The following TFEB variants were observed in gnomAD, a reference collection of about 807,000 sequenced individuals.
TFEB encodes transcription factor EB.
A neutral mutation model predicts 48.0 loss-of-function variants in TFEB; 12 were observed. That is an observed-to-expected ratio of 0.25 (90% CI 0.16 to 0.40). The LOEUF (loss-of-function observed/expected upper bound fraction) is 0.40. Among genes scored for constraint, TFEB ranks in the 10% least tolerant of loss-of-function variants. The pLI, the probability that TFEB is intolerant of heterozygous loss-of-function variation, is 1.00. For synonymous variants in TFEB, 244 were observed against 261.4 expected, an observed-to-expected ratio of 0.93 and a Z score of 0.64; for missense variants, 509 against 640.3, an observed-to-expected ratio of 0.79 and a Z score of 2.21.
At chr6:41,727,066 G>C (rs989967375) in intron 1 of TFEB, among the ~76,000 whole-genome samples, 1 of 152,042 alleles carries the variant, frequency 6.6e-6, no homozygotes, top group Non-Finnish European at 1.5e-5. Context: ...CCGCCACCCC[G>C]CCCAGGATGT....
intron 1 of TFEB, among the ~76,000 whole-genome samples, chr6:41,697,493 C>T (rs1192516471): frequency 8.1e-6 from 1 of 123,218 alleles, no homozygotes; most frequent in Non-Finnish European, 1.6e-5. Context: ...CAACACCACC[C>T]CTTCTCCAAA....
In TFEB at chr6:41,720,811, C is replaced by T. The variant is rs1770946524; in HGVS notation, c.-23+14539G>A. 1 of 152,110 alleles carries T rather than the reference C, an allele frequency of 6.6e-6. No homozygotes were observed. Among genetic ancestry groups the T allele is most frequent in the Non-Finnish European group, 1.5e-5 (1 of 68,008 alleles). The allele number at this position is 152,110 out of a possible 1,614,324, so 9.4% of individuals were successfully genotyped here. On this transcript the variant is annotated intron_variant, in intron 1 of 8. Transcript: ENST00000373033. The surrounding 1 kb of genome is among the most constrained non-coding windows in gnomAD (Gnocchi z 4.1). ...CCAGGGAGACTGGCACAGCCCTCAC[C>T]CATATATAATTATTCCATCATATAT...
chr6:41,697,681 G>T (rs1769680725), intron 1 of TFEB, among the ~76,000 whole-genome samples: 1 of 152,124 alleles, frequency 6.6e-6, no homozygotes, highest in South Asian at 2.1e-4. Context: ...ATGCAGAAAA[G>T]GATGTTGTGC....
intron 1 of TFEB, among the ~76,000 whole-genome samples, chr6:41,716,505 G>A (rs1219287408): frequency 6.6e-6 from 1 of 152,190 alleles, no homozygotes; most frequent in Non-Finnish European, 1.5e-5. Context: ...AGCTAGAGCT[G>A]GAAGGATGAG....
intron 1 of TFEB, among the ~76,000 whole-genome samples, chr6:41,697,285 G>A (rs1463627610): frequency 2.6e-5 from 4 of 151,866 alleles, no homozygotes; most frequent in African/African-American, 9.7e-5. Flanking sequence ...GCACATGCCT[G>A]TAGGCCCAGC....
chr6:41,725,629 C>T (rs147414261), intron 1 of TFEB, among the ~76,000 whole-genome samples: 3 of 152,344 alleles, frequency 2.0e-5, no homozygotes, highest in Non-Finnish European at 2.9e-5. Flanking sequence ...ATCTTTCAAC[C>T]GTTTTGATCA....
At position 41,734,909 on chromosome 6, in the gene TFEB, C is replaced by G. The variant is rs1771612390; in HGVS notation, c.-23+441G>C. 1 of 985,340 alleles carries G rather than the reference C, an allele frequency of 1.0e-6. No homozygotes were observed. Among genetic ancestry groups the G allele is most frequent in the Non-Finnish European group, 1.2e-6 (1 of 829,982 alleles). The allele number at this position is 985,340 out of a possible 1,614,324, so 61.0% of individuals were successfully genotyped here. A position where few individuals can be genotyped will look rare whatever the true frequency, so the allele number is the denominator to read the frequency against. On this transcript the variant is annotated intron_variant, in intron 1 of 8. Coordinates refer to ENST00000373033, the MANE Select transcript of TFEB (RefSeq NM_001271944.2). This position sits in a 1 kb window ranked among gnomAD's most constrained non-coding sequence, Gnocchi z 4.0. ...CGCACACCTCCCCTACCTCCGACCC[C>G]CTCTCAGGCATCGCCGGCCCCAGCC... is the stretch of plus-strand genomic sequence containing the variant.
chr6:41,712,943 T>G (rs957380777), intron 1 of TFEB, among the ~76,000 whole-genome samples: 1 of 152,158 alleles, frequency 6.6e-6, no homozygotes, highest in Non-Finnish European at 1.5e-5. Flanking sequence ...TGGCAGGTAC[T>G]GGGAAATGGG....
chr6:41,686,304 T>C, intron 7 of TFEB, 67 bp from the exon 8 acceptor site: 1 of 1,591,078 alleles, frequency 6.3e-7, no homozygotes, highest in Non-Finnish European at 8.6e-7. Flanking sequence ...TTGCTACTGC[T>C]CTGGTTGCAG....
upstream of TFEB, among the ~76,000 whole-genome samples, chr6:41,735,848 T>C (rs1379587193): frequency 2.0e-5 from 3 of 151,814 alleles, no homozygotes; most frequent in Non-Finnish European, 4.4e-5. Context: ...AAACCAGGGC[T>C]CACTAAGATA....
In TFEB at chr6:41,723,885, A is replaced by T. The variant is rs1304766297; in HGVS notation, c.-23+11465T>A. Reference sequence around the variant, plus strand: ...GCAGCAAGAATTTCGCCAGAGTCCCAATCCCACCAGGTCCAGGGTGGGCCT... The same window carrying T: ...GCAGCAAGAATTTCGCCAGAGTCCCTATCCCACCAGGTCCAGGGTGGGCCT... On this transcript the variant is annotated intron_variant, in intron 1 of 8. Coordinates refer to ENST00000373033, the MANE Select transcript of TFEB (RefSeq NM_001271944.2). The surrounding 1 kb of genome is among the most constrained non-coding windows in gnomAD (Gnocchi z 6.0). 1 of 507,932 alleles carries T rather than the reference A, an allele frequency of 2.0e-6. No homozygotes were observed. Among genetic ancestry groups the T allele is most frequent in the Admixed American group, 2.0e-5 (1 of 50,206 alleles). The allele number at this position is 507,932 out of a possible 1,614,324, so 31.5% of individuals were successfully genotyped here. A position where few individuals can be genotyped will look rare whatever the true frequency, so the allele number is the denominator to read the frequency against.
intron 1 of TFEB, among the ~76,000 whole-genome samples, chr6:41,695,785 A>G (rs1436053021): frequency 6.6e-6 from 1 of 152,158 alleles, no homozygotes; most frequent in Non-Finnish European, 1.5e-5. Context: ...CAGTGGGAAT[A>G]TGTGCGACTT....
At chr6:41,702,824 T>A (rs1221445247) in intron 1 of TFEB, among the ~76,000 whole-genome samples, 1 of 152,212 alleles carries the variant, frequency 6.6e-6, no homozygotes, top group African/African-American at 2.4e-5. Context: ...TGCATCGGTA[T>A]GCACCACCCA....
chr6:41,715,309 G>T (rs1370391981), intron 1 of TFEB, among the ~76,000 whole-genome samples: 2 of 152,088 alleles, frequency 1.3e-5, no homozygotes, highest in African/African-American at 4.8e-5. Context: ...TGTTTCCCAA[G>T]ACTCTCAAGA....
chr6:41,686,508 C>CTTTTT (rs34883692), intron 7 of TFEB: 49 of 150,748 alleles, frequency 3.3e-4, no homozygotes, highest in South Asian at 1.3e-3. Context: ...GCCTACCTTT[C>CTTTTT]TTTTTTTTTT....
At chr6:41,728,560 G>A (rs996954758) in intron 1 of TFEB, among the ~76,000 whole-genome samples, 3 of 152,154 alleles carry the variant, frequency 2.0e-5, no homozygotes, top group Admixed American at 6.5e-5. Flanking sequence ...GTGGGGGGCC[G>A]CGGCAGGTGC....
chr6:41,726,886 G>A (rs113693197), intron 1 of TFEB, among the ~76,000 whole-genome samples: 3 of 152,094 alleles, frequency 2.0e-5, no homozygotes, highest in African/African-American at 7.2e-5. Flanking sequence ...ACCTAGTTTC[G>A]CAAAACACTA....
chr6:41,700,196 G>A (rs1769824142), intron 1 of TFEB, among the ~76,000 whole-genome samples: 1 of 151,532 alleles, frequency 6.6e-6, no homozygotes, highest in Admixed American at 6.5e-5. Flanking sequence ...GCTGGGCGCG[G>A]TGGCTCACGC....
intron 1 of TFEB, chr6:41,733,900 G>T: frequency 1.0e-6 from 1 of 985,844 alleles, no homozygotes; most frequent in Non-Finnish European, 1.2e-6. Context: ...CTCATCCCCA[G>T]CTGCCCAACA....
Sources: gnomAD v4.1 joint callset for allele counts (sites outside exome capture counted in the v4.1 genomes callset) on GRCh38, gnomAD v4.1.1 for gene constraint, Gnocchi (gnomAD v3.1) non-coding constraint, MANE v1.5 for transcripts, NCBI Gene and HGNC (gene_info 2026-07-23, HGNC 2026-07-21) for gene names.